Variants in HEATR6 observed in about 807,000 individuals in gnomAD.
The protein encoded by HEATR6 is HEAT repeat-containing protein 6.
Under a neutral mutation model 132.8 loss-of-function variants are expected in HEATR6, and 106 were observed. The ratio of observed to expected loss-of-function variants is 0.80; its 90% CI spans 0.68 to 0.94. HEATR6 has a LOEUF of 0.94. HEATR6 is among the 40% of genes least tolerant of loss of function. The pLI is 0.00. For missense variants in HEATR6, 1,339 were observed against 1,425.1 expected (o/e 0.94, Z 0.97); for synonymous variants, 529 against 537.8 (o/e 0.98, Z 0.23).
chr17:60,066,212 T>C lies in HEATR6; in HGVS notation c.1413A>G (p.Pro471=), dbSNP rs1280780210. Residue 471 remains proline, a synonymous_variant, in exon 9 of 20, where the codon CCA becomes CCG. Coordinates refer to ENST00000184956, the MANE Select transcript of HEATR6 (RefSeq NM_022070.5). ...LMTLTLKDPS[P]KTRACALQVL... ...CTTAGAGTTTAAATTCTCTTACCTT[T>C]GGAGAAGGGTCTTTCAATGTAAGAG... 1 of 1,610,048 alleles carries C rather than the reference T, an allele frequency of 6.2e-7. No individual in the cohort carries two copies. Among genetic ancestry groups the C allele is most frequent in the African/African-American group, 1.3e-5 (1 of 74,702 alleles).
At chr17:60,062,296 C>CT (rs1399826908) in intron 9 of HEATR6, among the ~76,000 whole-genome samples, 2 of 152,174 alleles carry the variant, frequency 1.3e-5, no homozygotes, top group Non-Finnish European at 2.9e-5. Context: ...AGGTGTAGCT[C>CT]TTCAGAGAGC....
In HEATR6 at chr17:60,048,977, A is replaced by G. The variant is rs1463172641; in HGVS notation, c.2548-589T>C. ...TAAAAATTAAAAATAAATAACATAT[A>G]TATATAATATATATATATATATATA... is the stretch of plus-strand genomic sequence containing the variant. On this transcript the variant is annotated intron_variant, in intron 16 of 19. Transcript: ENST00000184956. 4.8e-3 allele frequency among the ~76,000 whole-genome samples: 298 copies of G among 62,266 alleles called. 2 individuals are homozygous for G. Among genetic ancestry groups the G allele is most frequent in the African/African-American group, 0.038 (190 of 5,012 alleles). The allele number at this position is 62,266 out of a possible 152,430, so 40.8% of individuals were successfully genotyped here.
In HEATR6 at chr17:60,067,584, GA is replaced by G; in HGVS notation, c.1087del (p.Ser363ProfsTer9). Reference protein sequence around the residue: ...LHEGNTWCPSSLGVQSLPLDG... With the variant: ...LHEGNTWCPSXLGVQSLPLDG... ...TAAAGGCAAACTCTGGACACCCAGG[GA>G]GGAGGGACACCAAGTGTTCCCTTCA... On this transcript the variant is annotated frameshift_variant, in exon 8 of 20. Coordinates refer to ENST00000184956, the MANE Select transcript of HEATR6 (RefSeq NM_022070.5). LOFTEE classifies it high-confidence loss of function. 6.2e-7 allele frequency: 1 copy of G among 1,613,274 alleles called. No homozygotes were observed. The highest frequency in any genetic ancestry group is 8.5e-7 in the Non-Finnish European group (1 of 1,179,694).
chr17:60,059,127 A>AG lies in HEATR6; in HGVS notation c.1723+294dup, dbSNP rs572053577. ...AGGGATATAAACAATCATACTCCTC[A>AG]GGGGGGCTGCTTGCACCTGGCTCAA... On this transcript the variant is annotated intron_variant, in intron 11 of 19. Transcript: ENST00000184956. Among the ~76,000 whole-genome samples the AG allele has an allele frequency of 1.5e-4, 23 of 152,278 alleles. No homozygotes were observed. In the East Asian group the frequency reaches 3.9e-3, roughly 26 times the overall value.
intron 14 of HEATR6, among the ~76,000 whole-genome samples, chr17:60,051,589 C>T (rs1568612800): frequency 2.6e-5 from 4 of 152,288 alleles, no homozygotes; most frequent in East Asian, 1.9e-4. Context: ...ATTGGGCAGT[C>T]GGTTCTGTTT....
intron 1 of HEATR6, 99 bp from the exon 2 acceptor site, chr17:60,076,336 C>A: frequency 3.2e-6 from 2 of 624,074 alleles, no homozygotes; most frequent in South Asian, 3.9e-5. Context: ...TATTCACATT[C>A]AAAATGGGGA....
chr17:60,053,079 C>T (rs1906637896), intron 14 of HEATR6, among the ~76,000 whole-genome samples: 1 of 152,038 alleles, frequency 6.6e-6, no homozygotes, highest in Non-Finnish European at 1.5e-5. Context: ...TGGAGGTGGG[C>T]CTAGAGGAAG....
At chr17:60,071,617 C>A (rs911042532) in intron 5 of HEATR6, among the ~76,000 whole-genome samples, 7 of 151,992 alleles carry the variant, frequency 4.6e-5, no homozygotes, top group Admixed American at 3.3e-4. Context: ...TAACAGGAAC[C>A]GAATAGATGT....
At position 60,067,688 on chromosome 17, in the gene HEATR6, T is replaced by G. The variant is rs774381153; in HGVS notation, c.984A>C (p.Gln328His). 4.3e-6 allele frequency: 7 copies of G among 1,613,436 alleles called. No homozygotes were observed. In the Admixed American group the frequency reaches 1.2e-4, roughly 27 times the overall value. Residue 328 changes from glutamine (Q) to histidine (H), a missense_variant, in exon 8 of 20, where the codon CAA becomes CAC. Gln to His is a conservative substitution (Grantham distance 24). Transcript: ENST00000184956. ...TGGATTCCTTTTCCTCCTCCTCTCC[T>G]TGCTGGATTTTCTTTGGTTTTACTT... ...KSKVKPKKIQ[Q>H]GEEEEKESSG... is the part of the protein sequence containing the mutation.
chr17:60,045,416 C>T (rs1021307822), intron 19 of HEATR6, among the ~76,000 whole-genome samples: 3 of 152,154 alleles, frequency 2.0e-5, no homozygotes, highest in African/African-American at 7.2e-5. Context: ...TTGGAGGCTC[C>T]GATCCATACA....
chr17:60,060,120 T>A (rs537949535), intron 9 of HEATR6, 24 bp from the exon 10 acceptor site: 5 of 1,534,190 alleles, frequency 3.3e-6, no homozygotes, highest in Non-Finnish European at 4.5e-6. Context: ...ATGATTCACA[T>A]TGATTAGTTG....
intron 14 of HEATR6, 140 bp downstream of exon 14, chr17:60,055,375 T>C: frequency 1.8e-6 from 1 of 546,918 alleles, no homozygotes; most frequent in Non-Finnish European, 3.2e-6. Context: ...TTATACTAGT[T>C]TCATGTTTTC....
At chr17:60,051,129 T>C (rs1906564245) in intron 14 of HEATR6, 152 bp from the exon 15 acceptor site, 1 of 852,468 alleles carries the variant, frequency 1.2e-6, no homozygotes, top group Non-Finnish European at 1.8e-6. Flanking sequence ...TCCACAGTGA[T>C]GTAAGGACTT....
intron 14 of HEATR6, among the ~76,000 whole-genome samples, chr17:60,053,349 C>A (rs1469451279): frequency 6.6e-6 from 1 of 152,154 alleles, no homozygotes; most frequent in East Asian, 1.9e-4. Flanking sequence ...CCAGACGAAC[C>A]TCTTTGAAAA....
At chr17:60,074,776 G>A (rs544665170) in intron 2 of HEATR6, among the ~76,000 whole-genome samples, 4 of 152,342 alleles carry the variant, frequency 2.6e-5, no homozygotes, top group African/African-American at 7.2e-5. Flanking sequence ...CACAATTGGA[G>A]AGGTGCTACT....
At chr17:60,069,272 C>T (rs1420695312) in intron 7 of HEATR6, among the ~76,000 whole-genome samples, 1 of 152,244 alleles carries the variant, frequency 6.6e-6, no homozygotes, top group African/African-American at 2.4e-5. Flanking sequence ...ACACAGCCTG[C>T]TTCTGTAAAT....
chr17:60,057,291 A>T lies in HEATR6; in HGVS notation c.1836T>A (p.Gly612=). 6.2e-7 allele frequency: 1 copy of T among 1,614,160 alleles called. No individual in the cohort carries two copies. The highest frequency in any genetic ancestry group is 8.5e-7 in the Non-Finnish European group (1 of 1,180,016). ...LLQQPCSSGL[G]NSNSATPHLS... ...GGTGAGGGGTTGCTGAATTGCTATTACCGAGTCCAGAAGAACATGGCTGTT... is the reference window on the plus strand; with the variant it reads ...GGTGAGGGGTTGCTGAATTGCTATTTCCGAGTCCAGAAGAACATGGCTGTT... Residue 612 remains glycine, a synonymous_variant, in exon 12 of 20, where the codon GGT becomes GGA. Coordinates refer to ENST00000184956, the MANE Select transcript of HEATR6 (RefSeq NM_022070.5).
chr17:60,044,018 C>G lies in HEATR6; in HGVS notation c.3091G>C (p.Glu1031Gln), dbSNP rs1176137593. 6.2e-7 allele frequency: 1 copy of G among 1,614,038 alleles called. No individual in the cohort carries two copies. Among genetic ancestry groups the G allele is most frequent in the Non-Finnish European group, 8.5e-7 (1 of 1,180,042 alleles). ...AAALSVPGKR[E>Q]QYGSVDQYAR... ...TACTGGTCAACAGACCCGTACTGCT[C>G]TCTCTTCCCCGGGACGGAAAGGGCA... The change falls in exon 20 of 20, where the codon GAG becomes CAG. Residue 1031 changes from glutamate (E) to glutamine (Q), a missense_variant. By Grantham distance (29) the Glu-to-Gln change is conservative (BLOSUM62 2). Coordinates refer to ENST00000184956, the MANE Select transcript of HEATR6 (RefSeq NM_022070.5).
At chr17:60,063,677 C>A in intron 9 of HEATR6, 1 of 169,198 alleles carries the variant, frequency 5.9e-6, no homozygotes, top group Non-Finnish European at 1.3e-5. Flanking sequence ...ACCTTTCCTT[C>A]TGTCCATTTG....
Sources: allele counts gnomAD v4.1 joint callset (sites outside exome capture counted in the v4.1 genomes callset), GRCh38; gene constraint gnomAD v4.1.1; transcripts MANE v1.5; gene names NCBI Gene and HGNC (gene_info 2026-07-23, HGNC 2026-07-21).